The following PARD3B variants were observed in gnomAD, a reference collection of about 807,000 sequenced individuals.
The protein encoded by PARD3B is partitioning defective 3 homolog B.
A neutral mutation model predicts 130.2 loss-of-function variants in PARD3B; 103 were observed. The ratio of observed to expected loss-of-function variants is 0.79; its 90% CI spans 0.67 to 0.93. PARD3B has a LOEUF of 0.93. PARD3B is among the 40% of genes least tolerant of loss of function. The pLI is 0.00. For synonymous variants in PARD3B, 583 were observed against 553.2 expected (o/e 1.05, Z -0.76); for missense variants, 1,609 against 1,499.2 (o/e 1.07, Z -1.21).
rs1411501383 is a variant in PARD3B, at chr2:205,617,841, A to G, written c.*2028A>G. ...CGTGTAACTTGTTTTGAAGCATTAAAAACCAGCAGCTCTTCACTATGTTCC... is the reference window on the plus strand; with the variant it reads ...CGTGTAACTTGTTTTGAAGCATTAAGAACCAGCAGCTCTTCACTATGTTCC... On this transcript the variant is annotated 3_prime_UTR_variant, in exon 23 of 23. Transcript: ENST00000406610. 1 of 152,226 alleles carries G rather than the reference A, an allele frequency of 6.6e-6. No individual in the cohort carries two copies. The highest frequency in any genetic ancestry group is 2.4e-5 in the African/African-American group (1 of 41,444). The allele number at this position is 152,226 out of a possible 1,614,324, so 9.4% of individuals were successfully genotyped here. A position where few individuals can be genotyped will look rare whatever the true frequency, so the allele number is the denominator to read the frequency against.
rs1448467640 is a variant in PARD3B at position 205,207,045 on chromosome 2, A to G, written c.2140+13725A>G. On this transcript the variant is annotated intron_variant, in intron 15 of 22. Transcript: ENST00000406610. ...TCAGACCACAGTGCAATCAAACTAGAACTCAGGATTAAGAATCTCACTCAA... is the reference window on the plus strand; with the variant it reads ...TCAGACCACAGTGCAATCAAACTAGGACTCAGGATTAAGAATCTCACTCAA... 2.1e-3 allele frequency among the ~76,000 whole-genome samples: 303 copies of G among 145,282 alleles called. 5 individuals are homozygous for G. The highest frequency in any genetic ancestry group is 7.9e-3 in the African/African-American group (297 of 37,784).
chr2:205,005,184 T>G (rs931591095), intron 3 of PARD3B, among the ~76,000 whole-genome samples: 2 of 151,804 alleles, frequency 1.3e-5, no homozygotes, highest in Non-Finnish European at 2.9e-5. Flanking sequence ...CACACACATA[T>G]ACACACAGAG....
intron 21 of PARD3B, among the ~76,000 whole-genome samples, chr2:205,516,762 CT>C (rs1297930134): frequency 6.6e-6 from 1 of 151,962 alleles, no homozygotes; most frequent in Non-Finnish European, 1.5e-5. Context: ...TTCTTTCTTT[CT>C]TTTGCTTGAT....
chr2:205,410,837 ACT>A (rs756670250), intron 19 of PARD3B, among the ~76,000 whole-genome samples: 2 of 151,990 alleles, frequency 1.3e-5, no homozygotes, highest in Non-Finnish European at 2.9e-5. Context: ...AGGTTGGCAA[ACT>A]CTATATGATT....
chr2:205,540,903 A>G (rs2052095946), intron 21 of PARD3B, among the ~76,000 whole-genome samples: 1 of 152,224 alleles, frequency 6.6e-6, no homozygotes, highest in Non-Finnish European at 1.5e-5. Flanking sequence ...CTTCTAGATA[A>G]AAGATAATTT....
chr2:204,682,031 G>T (rs1225671641), intron 1 of PARD3B, among the ~76,000 whole-genome samples: 2 of 152,056 alleles, frequency 1.3e-5, no homozygotes, highest in Non-Finnish European at 2.9e-5. Context: ...ACCCACTTAA[G>T]CAAAGAATTT....
At chr2:204,735,483 A>G (rs1187032078) in intron 2 of PARD3B, among the ~76,000 whole-genome samples, 1 of 152,202 alleles carries the variant, frequency 6.6e-6, no homozygotes, top group Non-Finnish European at 1.5e-5. Context: ...TCCTGAATGT[A>G]GAACATTCTA....
At chr2:205,324,578 T>C (rs1490723069) in intron 18 of PARD3B, among the ~76,000 whole-genome samples, 1 of 152,148 alleles carries the variant, frequency 6.6e-6, no homozygotes, top group Non-Finnish European at 1.5e-5. Context: ...AAATAAATTG[T>C]TTCATTTCCA....
chr2:205,532,646 A>G (rs2051652352), intron 21 of PARD3B, among the ~76,000 whole-genome samples: 1 of 152,174 alleles, frequency 6.6e-6, no homozygotes, highest in Non-Finnish European at 1.5e-5. Context: ...CATTCCACAA[A>G]GCTACATATT....
intron 22 of PARD3B, among the ~76,000 whole-genome samples, chr2:205,595,326 G>A (rs1424652545): frequency 6.6e-6 from 1 of 152,206 alleles, no homozygotes; most frequent in Non-Finnish European, 1.5e-5. Flanking sequence ...GGCAGAGCCT[G>A]GAATTCCATC....
intron 2 of PARD3B, among the ~76,000 whole-genome samples, chr2:204,855,798 T>C (rs185925915): frequency 2.0e-5 from 3 of 152,210 alleles, no homozygotes; most frequent in African/African-American, 7.2e-5. Context: ...AGTGAGATCA[T>C]GTGGTATTTG....
intron 20 of PARD3B, among the ~76,000 whole-genome samples, chr2:205,441,744 G>C (rs1335066581): frequency 6.6e-6 from 1 of 152,150 alleles, no homozygotes; most frequent in Non-Finnish European, 1.5e-5. Context: ...TTTTTATGCA[G>C]ACTGTAAAGT....
chr2:204,625,544 C>T (rs2034458221), intron 1 of PARD3B, among the ~76,000 whole-genome samples: 1 of 152,178 alleles, frequency 6.6e-6, no homozygotes. Flanking sequence ...AAATAAAATA[C>T]ATGACATTGG....
At position 204,957,909 on chromosome 2, in the gene PARD3B, G is replaced by GT. The variant is rs939209545; in HGVS notation, c.223-7234dup. On this transcript the variant is annotated intron_variant, in intron 2 of 22. Coordinates refer to ENST00000406610, the MANE Select transcript of PARD3B (RefSeq NM_001302769.2). ...CCAATTTTATTTTATAGGATACTGG[G>GT]TTTTTTTTTGTCTTTTAATTTAACT... Among the ~76,000 whole-genome samples the GT allele has an allele frequency of 1.4e-3, 219 of 151,280 alleles. 1 individual carries two copies. The highest frequency in any genetic ancestry group is 4.2e-3 in the African/African-American group (174 of 41,268).
chr2:204,836,339 A>C (rs944324740), intron 2 of PARD3B, among the ~76,000 whole-genome samples: 3 of 152,218 alleles, frequency 2.0e-5, no homozygotes, highest in Admixed American at 2.0e-4. Context: ...CATACAAAAT[A>C]GGTAAAATGA....
At chr2:205,608,112 ATAGT>A (rs1322844469) in intron 22 of PARD3B, among the ~76,000 whole-genome samples, 2 of 152,174 alleles carry the variant, frequency 1.3e-5, no homozygotes, top group East Asian at 3.9e-4. Context: ...GTAATCTAAA[ATAGT>A]TAGGGAAAAG....
chr2:204,983,996 GA>G (rs945091437), intron 3 of PARD3B, among the ~76,000 whole-genome samples: 3 of 149,546 alleles, frequency 2.0e-5, no homozygotes, highest in Non-Finnish European at 4.5e-5. Context: ...TCTCTAAAAA[GA>G]AAAAAAAATA....
At chr2:205,424,280 G>T (rs10183801) in intron 19 of PARD3B, among the ~76,000 whole-genome samples, 2,369 of 152,202 alleles carry the variant, frequency 0.016, 47 homozygotes, top group African/African-American at 0.054. Context: ...GGTATGAAGG[G>T]TCTGTGTTTA....
chr2:205,039,084 A>G (rs1247431016), intron 3 of PARD3B, among the ~76,000 whole-genome samples: 2 of 150,012 alleles, frequency 1.3e-5, no homozygotes, highest in African/African-American at 2.5e-5. Context: ...TTTTTTTTTT[A>G]TGGGTCTCCA....
Sources: gnomAD v4.1 joint callset for allele counts (sites outside exome capture counted in the v4.1 genomes callset) on GRCh38, gnomAD v4.1.1 for gene constraint, MANE v1.5 for transcripts, NCBI Gene and HGNC (gene_info 2026-07-23, HGNC 2026-07-21) for gene names.